The following EPB41L4B variants were observed in gnomAD, a reference collection of about 807,000 sequenced individuals.
EPB41L4B encodes the protein erythrocyte membrane protein band 4.1 like 4B.
EPB41L4B carries 30 observed loss-of-function variants against 112.5 expected under a neutral mutation model. The observed-to-expected ratio is 0.27, with a 90% CI of 0.20 to 0.36. The LOEUF (loss-of-function observed/expected upper bound fraction) is 0.36, where lower values mean the gene tolerates loss of function less well. EPB41L4B is among the 10% of genes least tolerant of loss of function. The probability of loss-of-function intolerance (pLI) is 1.00; values close to 1 mark genes in which losing one functional copy is unlikely to be tolerated. For missense variants in EPB41L4B, 1,024 were observed against 1,133.3 expected (o/e 0.90, Z 1.38); for synonymous variants, 408 against 439.7 (o/e 0.93, Z 0.90).
rs887223616 is a variant in EPB41L4B, at chr9:109,204,686, G to A, written c.1879-956C>T. On this transcript the variant is annotated intron_variant, in intron 18 of 25. Coordinates refer to ENST00000374566, the MANE Select transcript of EPB41L4B (RefSeq NM_019114.5). ...TGTTTCATATTTTTTTTGTAGAGAC[G>A]AGGTTTTGCCATGTTGCCCAGGCTG... Among the ~76,000 whole-genome samples the A allele has an allele frequency of 5.3e-5, 8 of 152,126 alleles. No homozygotes were observed. The South Asian group carries it at 6.2e-4, about 12-fold the overall frequency.
chr9:109,176,190 C>T (rs1831834570), intron 25 of EPB41L4B, among the ~76,000 whole-genome samples: 1 of 151,678 alleles, frequency 6.6e-6, no homozygotes, highest in South Asian at 2.1e-4. Flanking sequence ...TGCAGTGGTG[C>T]AATCTCAGCT....
chr9:109,282,979 G>A (rs1370691480), intron 1 of EPB41L4B, among the ~76,000 whole-genome samples: 1 of 152,090 alleles, frequency 6.6e-6, no homozygotes, highest in Non-Finnish European at 1.5e-5. Context: ...ACCGCGCCCG[G>A]CCAAATGATT....
At chr9:109,208,190 C>G (rs758951130) in intron 17 of EPB41L4B, 141 bp from the exon 18 acceptor site, 35 of 996,360 alleles carry the variant, frequency 3.5e-5, no homozygotes, top group Non-Finnish European at 4.4e-5. Flanking sequence ...ATATTTTTAT[C>G]TGTGCTTTAC....
intron 15 of EPB41L4B, among the ~76,000 whole-genome samples, chr9:109,227,024 G>C (rs1020609188): frequency 3.3e-5 from 5 of 151,222 alleles, no homozygotes; most frequent in African/African-American, 9.7e-5. Flanking sequence ...TTTTTTTATA[G>C]AGACAGGGTC....
At chr9:109,319,434 C>T (rs1039506507) in intron 1 of EPB41L4B, among the ~76,000 whole-genome samples, 1 of 152,198 alleles carries the variant, frequency 6.6e-6, no homozygotes, top group Non-Finnish European at 1.5e-5. Context: ...CCCAGCGCCC[C>T]AGCAAAGGGC....
chr9:109,174,325 A>C lies in EPB41L4B; in HGVS notation c.*229T>G, dbSNP rs1485726370. The C allele has an allele frequency of 6.2e-5, 29 of 465,384 alleles. 2 individuals are homozygous for C. In the South Asian group the frequency reaches 9.8e-4, roughly 16 times the overall value. 28.8% of individuals were successfully genotyped at this position (465,384 alleles called of 1,614,324 possible). A position where few individuals can be genotyped will look rare whatever the true frequency, so the allele number is the denominator to read the frequency against. On this transcript the variant is annotated 3_prime_UTR_variant, in exon 26 of 26. Transcript: ENST00000374566. The stretch of plus-strand genomic sequence containing the variant: ...TTCCCATCTTTCTTTTCCTAGACTT[A>C]TCAAATCCTGTCTCAACTACATAGA...
chr9:109,244,965 G>A lies in EPB41L4B; in HGVS notation c.1345-1283C>T, dbSNP rs117575332. On this transcript the variant is annotated intron_variant, in intron 14 of 25. Coordinates refer to ENST00000374566, the MANE Select transcript of EPB41L4B (RefSeq NM_019114.5). ...TGGACCTGAGATGCCCTCCCTGCCTGTTCTGTATTCAAGCAGCCTTTCCTT... is the reference window on the plus strand; with the variant it reads ...TGGACCTGAGATGCCCTCCCTGCCTATTCTGTATTCAAGCAGCCTTTCCTT... 4.7e-4 allele frequency among the ~76,000 whole-genome samples: 72 copies of A among 152,300 alleles called. 1 individual carries two copies. In the South Asian group the frequency reaches 6.0e-3, roughly 13 times the overall value.
chr9:109,258,397 G>GC (rs1408266596), intron 6 of EPB41L4B, 100 bp from the exon 7 acceptor site: 2 of 1,249,634 alleles, frequency 1.6e-6, no homozygotes, highest in South Asian at 1.4e-5. Context: ...ATAAAGCACA[G>GC]CCCCCCGCCC....
chr9:109,288,655 G>A (rs948199172), intron 1 of EPB41L4B, among the ~76,000 whole-genome samples: 3 of 144,538 alleles, frequency 2.1e-5, no homozygotes, highest in African/African-American at 5.2e-5. Flanking sequence ...CCCAAAAGGC[G>A]GAGCTTGCAG....
chr9:109,211,594 CAA>C (rs201609219), intron 17 of EPB41L4B, among the ~76,000 whole-genome samples: 21 of 94,358 alleles, frequency 2.2e-4, no homozygotes, highest in Admixed American at 4.2e-4. Flanking sequence ...GACGCCATCT[CAA>C]AAAAAAAAAA....
intron 1 of EPB41L4B, among the ~76,000 whole-genome samples, chr9:109,312,401 C>G (rs913360437): frequency 1.3e-5 from 2 of 152,116 alleles, no homozygotes; most frequent in African/African-American, 4.8e-5. Flanking sequence ...TTCAATGAGT[C>G]TAACTAAAGA....
At chr9:109,234,396 A>G (rs1834065337) in intron 15 of EPB41L4B, among the ~76,000 whole-genome samples, 1 of 152,244 alleles carries the variant, frequency 6.6e-6, no homozygotes, top group South Asian at 2.1e-4. Flanking sequence ...ATGTCCATCA[A>G]TATTGATTGG....
intron 1 of EPB41L4B, among the ~76,000 whole-genome samples, chr9:109,295,356 G>T (rs1564327265): frequency 6.6e-6 from 1 of 152,102 alleles, no homozygotes; most frequent in African/African-American, 2.4e-5. Context: ...GAGGGATACA[G>T]GATTGATTTT....
intron 17 of EPB41L4B, among the ~76,000 whole-genome samples, chr9:109,213,197 G>A (rs768879796): frequency 3.9e-5 from 6 of 152,194 alleles, no homozygotes; most frequent in South Asian, 4.1e-4. Flanking sequence ...GGTATGTATC[G>A]TTCTAAGATA....
chr9:109,307,458 C>T (rs1346630287), intron 1 of EPB41L4B, among the ~76,000 whole-genome samples: 1 of 152,208 alleles, frequency 6.6e-6, no homozygotes, highest in Non-Finnish European at 1.5e-5. Flanking sequence ...TGTGTCACTG[C>T]TGGCTGTGTG....
At position 109,213,688 on chromosome 9, in the gene EPB41L4B, G is replaced by T. The variant is rs150119949; in HGVS notation, c.1752+12C>A. On this transcript the variant is annotated intron_variant, in intron 17 of 25. Transcript: ENST00000374566. ...AAGTCCATGGTCATGGCAGAGCCCC[G>T]GCCCTTGGCACCTTGTTTATGTTGA... 5 of 1,608,988 alleles carry T rather than the reference G, an allele frequency of 3.1e-6. No homozygotes were observed. The South Asian group carries it at 4.4e-5, about 14-fold the overall frequency.
chr9:109,213,865 G>T, intron 16 of EPB41L4B, 47 bp from the exon 17 acceptor site: 1 of 1,550,072 alleles, frequency 6.5e-7, no homozygotes, highest in South Asian at 1.1e-5. Flanking sequence ...TGAAAGGACA[G>T]ATAGATACAG....
In EPB41L4B at chr9:109,228,760, A is replaced by C. The variant is rs184498622; in HGVS notation, c.1410-11615T>G. On this transcript the variant is annotated intron_variant, in intron 15 of 25. Coordinates refer to ENST00000374566, the MANE Select transcript of EPB41L4B (RefSeq NM_019114.5). ...CCCAACTGAAGTGAGCATCTACAAA[A>C]CTTTGGAGTCCTTATAAAAAGTTCT... 1.1e-4 allele frequency among the ~76,000 whole-genome samples: 17 copies of C among 152,232 alleles called. No homozygotes were observed. The East Asian group carries it at 3.3e-3, about 29-fold the overall frequency.
chr9:109,203,613 T>C (rs2118760667), intron 19 of EPB41L4B, 50 bp downstream of exon 19: 1 of 1,402,570 alleles, frequency 7.1e-7, no homozygotes, highest in Non-Finnish European at 1.0e-6. Flanking sequence ...AAGGATAATG[T>C]TGATGATACA....
Sources: allele counts gnomAD v4.1 joint callset (sites outside exome capture counted in the v4.1 genomes callset), GRCh38; gene constraint gnomAD v4.1.1; transcripts MANE v1.5; gene names NCBI Gene and HGNC (gene_info 2026-07-23, HGNC 2026-07-21).